Variants in PDE11A observed in about 807,000 individuals in gnomAD.
The protein encoded by PDE11A is dual 3',5'-cyclic-AMP and -GMP phosphodiesterase 11A.
PDE11A carries 100 observed loss-of-function variants against 100.5 expected under a neutral mutation model. The ratio of observed to expected loss-of-function variants is 1.00; its 90% CI spans 0.85 to 1.18. The LOEUF (loss-of-function observed/expected upper bound fraction) is 1.18. Among genes scored for constraint, PDE11A ranks in the 50% most tolerant of loss-of-function variants. The pLI is 0.00. For synonymous variants in PDE11A, 381 were observed against 420.8 expected, an observed-to-expected ratio of 0.91 and a Z score of 1.16; for missense variants, 1,141 against 1,152.6, an observed-to-expected ratio of 0.99 and a Z score of 0.15.
chr2:178,024,040 G>A (rs1046270549), intron 1 of PDE11A, among the ~76,000 whole-genome samples: 1 of 152,136 alleles, frequency 6.6e-6, no homozygotes, highest in African/African-American at 2.4e-5. Flanking sequence ...CAATTGGTAG[G>A]GGGAGGGGCC....
At chr2:178,044,662 T>C (rs2086727517) in intron 1 of PDE11A, among the ~76,000 whole-genome samples, 1 of 152,048 alleles carries the variant, frequency 6.6e-6, no homozygotes, top group Non-Finnish European at 1.5e-5. Flanking sequence ...CCTCAGACTG[T>C]TTCTTTACCC....
rs10190199 is a variant in PDE11A, at chr2:177,807,202, C to T, written c.1737+9627G>A. Reference sequence around the variant, plus strand: ...AAACCCATTACATTTAGGGGAACAACAAAAATAATGGCAGAGTTTTCACTA... The same window carrying T: ...AAACCCATTACATTTAGGGGAACAATAAAAATAATGGCAGAGTTTTCACTA... On this transcript the variant is annotated intron_variant, in intron 9 of 19. Transcript: ENST00000286063. Among the ~76,000 whole-genome samples, 674 of 151,900 alleles carry T rather than the reference C, an allele frequency of 4.4e-3. 2 individuals carry two copies. The highest frequency in any genetic ancestry group is 0.015 in the African/African-American group (638 of 41,444).
chr2:178,106,502 G>A (rs2087619135), intron 1 of PDE11A, among the ~76,000 whole-genome samples: 1 of 152,118 alleles, frequency 6.6e-6, no homozygotes, highest in Non-Finnish European at 1.5e-5. Context: ...AGAATTCAGT[G>A]AGCCTTTGAG....
At chr2:177,765,567 C>T (rs948952700) in intron 10 of PDE11A, among the ~76,000 whole-genome samples, 2 of 152,212 alleles carry the variant, frequency 1.3e-5, no homozygotes, top group African/African-American at 2.4e-5. Flanking sequence ...GGCCCTGCCA[C>T]GGGTCCGTAG....
chr2:177,741,304 C>A (rs1389954717), intron 10 of PDE11A, among the ~76,000 whole-genome samples: 1 of 152,184 alleles, frequency 6.6e-6, no homozygotes, highest in East Asian at 1.9e-4. Flanking sequence ...CCTCTGGTGT[C>A]TTTTCCTCTT....
chr2:177,805,822 C>T (rs1332132849), intron 9 of PDE11A, among the ~76,000 whole-genome samples: 1 of 152,124 alleles, frequency 6.6e-6, no homozygotes, highest in African/African-American at 2.4e-5. Context: ...AAAAGATTAT[C>T]ACTGCCTTCA....
At chr2:177,672,085 A>T (rs1198687451) in intron 17 of PDE11A, among the ~76,000 whole-genome samples, 1 of 152,128 alleles carries the variant, frequency 6.6e-6, no homozygotes, top group Non-Finnish European at 1.5e-5. Flanking sequence ...TACCTGGAAG[A>T]GCCTCCTACC....
chr2:177,935,860 G>T lies in PDE11A; in HGVS notation c.1072-30673C>A, dbSNP rs1476134840. ...CTTAGCCCCAGCTCCCTATCTCCAA[G>T]AGATGTCAGAAAGACCAGAATACCT... On this transcript the variant is annotated intron_variant, in intron 2 of 19. Coordinates refer to ENST00000286063, the MANE Select transcript of PDE11A (RefSeq NM_016953.4). Among the ~76,000 whole-genome samples the T allele has an allele frequency of 2.0e-5, 3 of 152,180 alleles. No individual in the cohort carries two copies. The East Asian group carries it at 5.8e-4, about 29-fold the overall frequency.
intron 10 of PDE11A, among the ~76,000 whole-genome samples, chr2:177,729,742 T>G (rs183235651): frequency 5.6e-4 from 85 of 152,298 alleles, no homozygotes; most frequent in African/African-American, 2.0e-3. Context: ...CAACTGAGTT[T>G]TTGTAGAATC....
At chr2:177,920,126 A>C (rs1156510793) in intron 2 of PDE11A, among the ~76,000 whole-genome samples, 2 of 152,154 alleles carry the variant, frequency 1.3e-5, no homozygotes, top group Admixed American at 1.3e-4. Flanking sequence ...CATAGGGGAA[A>C]TATGGTAAAC....
chr2:177,922,209 A>G (rs2085060841), intron 2 of PDE11A, among the ~76,000 whole-genome samples: 1 of 152,106 alleles, frequency 6.6e-6, no homozygotes, highest in Admixed American at 6.6e-5. Context: ...TTATATTTCT[A>G]ACCCAGGTTA....
chr2:178,076,055 C>T (rs1382543328), upstream of PDE11A, among the ~76,000 whole-genome samples: 3 of 152,056 alleles, frequency 2.0e-5, no homozygotes, highest in South Asian at 6.2e-4. Context: ...AACTATCATA[C>T]CAGAAAAGGT....
intron 2 of PDE11A, among the ~76,000 whole-genome samples, chr2:177,942,661 C>G (rs1230819135): frequency 6.6e-6 from 1 of 152,156 alleles, no homozygotes; most frequent in Non-Finnish European, 1.5e-5. Flanking sequence ...CTCGGCCTCT[C>G]AAAGTGCTGG....
At chr2:177,683,176 T>C (rs572914364) in intron 15 of PDE11A, 1 of 152,108 alleles carries the variant, frequency 6.6e-6, no homozygotes, top group African/African-American at 2.4e-5. Context: ...GGAAGACAAA[T>C]GTATAGTTCA....
intron 5 of PDE11A, among the ~76,000 whole-genome samples, chr2:177,853,903 T>G (rs1438758912): frequency 6.8e-6 from 1 of 146,514 alleles, no homozygotes; most frequent in South Asian, 2.1e-4. Context: ...TAGATATATA[T>G]GTATATATGT....
chr2:177,726,876 T>C (rs536162928), intron 12 of PDE11A, among the ~76,000 whole-genome samples: 2 of 151,590 alleles, frequency 1.3e-5, no homozygotes, highest in East Asian at 3.9e-4. Flanking sequence ...TACGTACACA[T>C]GTGTGTATAT....
intron 9 of PDE11A, among the ~76,000 whole-genome samples, chr2:177,789,237 C>A (rs1179888284): frequency 6.6e-6 from 1 of 152,130 alleles, no homozygotes; most frequent in Non-Finnish European, 1.5e-5. Context: ...GCTCAATATA[C>A]ACAAATCAAT....
At chr2:177,659,844 A>G (rs1255042948) in intron 19 of PDE11A, among the ~76,000 whole-genome samples, 1 of 152,076 alleles carries the variant, frequency 6.6e-6, no homozygotes, top group African/African-American at 2.4e-5. Context: ...GCAGGGTGCA[A>G]AGACAGCAGA....
At chr2:177,917,169 C>T (rs1048010781) in intron 2 of PDE11A, among the ~76,000 whole-genome samples, 2 of 151,898 alleles carry the variant, frequency 1.3e-5, no homozygotes, top group Admixed American at 6.6e-5. Flanking sequence ...AGAGGGCTTC[C>T]GCCTCCAAAA....
Sources: gnomAD v4.1 joint callset for allele counts (sites outside exome capture counted in the v4.1 genomes callset) on GRCh38, gnomAD v4.1.1 for gene constraint, MANE v1.5 for transcripts, NCBI Gene and HGNC (gene_info 2026-07-23, HGNC 2026-07-21) for gene names.